MYCBP2: variants seen among roughly 807,000 people sequenced by gnomAD.
The protein encoded by MYCBP2 is MYC binding protein 2, also known as E3 ubiquitin-protein ligase MYCBP2.
In MYCBP2, 120 loss-of-function variants were observed where a neutral mutation model predicts 525.3. The observed-to-expected ratio is 0.23, with a 90% CI of 0.20 to 0.27. The LOEUF is 0.27. Among genes scored for constraint, MYCBP2 ranks in the 10% least tolerant of loss-of-function variants. The pLI is 1.00. For missense variants in MYCBP2, 4,149 were observed against 5,657.1 expected, an observed-to-expected ratio of 0.73 and a Z score of 8.55; for synonymous variants, 1,894 against 1,955.8, an observed-to-expected ratio of 0.97 and a Z score of 0.83.
intron 68 of MYCBP2, among the ~76,000 whole-genome samples, chr13:77,073,982 G>C (rs980521087): frequency 1.4e-5 from 2 of 146,100 alleles, no homozygotes; most frequent in Non-Finnish European, 3.0e-5. Context: ...GTTAATTCCA[G>C]TCAAAATTCC....
chr13:77,052,948 G>T (rs944280559), intron 80 of MYCBP2, among the ~76,000 whole-genome samples: 25 of 152,034 alleles, frequency 1.6e-4, no homozygotes, highest in Non-Finnish European at 3.7e-4. Flanking sequence ...GGGCAACATG[G>T]CAAAACCCAT....
intron 17 of MYCBP2, among the ~76,000 whole-genome samples, chr13:77,237,845 T>G (rs139330477): frequency 3.9e-5 from 6 of 152,316 alleles, no homozygotes; most frequent in African/African-American, 1.4e-4. Context: ...CTTCATATAA[T>G]ACTTTAATTT....
chr13:77,241,714 A>C lies in MYCBP2; in HGVS notation c.2629+1345T>G, dbSNP rs192632536. 1.7e-3 allele frequency among the ~76,000 whole-genome samples: 260 copies of C among 152,266 alleles called. 2 individuals carry two copies. The highest frequency in any genetic ancestry group is 6.0e-3 in the African/African-American group (250 of 41,582). On this transcript the variant is annotated intron_variant, in intron 17 of 82. Coordinates refer to ENST00000544440, the MANE Select transcript of MYCBP2 (RefSeq NM_015057.5). ...AATATTCACCTTATCAATCAACATC[A>C]CTTATCAGATGCTATGAAGAACACT... is the stretch of plus-strand genomic sequence containing the variant.
chr13:77,063,372 A>C (rs910128784), intron 73 of MYCBP2, among the ~76,000 whole-genome samples: 9 of 152,254 alleles, frequency 5.9e-5, no homozygotes, highest in Middle Eastern at 3.4e-3. Flanking sequence ...AGCCTGACTA[A>C]CATGGTGAAA....
intron 15 of MYCBP2, among the ~76,000 whole-genome samples, chr13:77,249,133 T>C (rs373492358): frequency 3.2e-4 from 48 of 152,330 alleles, no homozygotes; most frequent in East Asian, 2.7e-3. Context: ...TGAGGAGTCA[T>C]TGTTTAACAG....
chr13:77,185,457 C>T, intron 31 of MYCBP2, 80 bp from the exon 32 acceptor site: 1 of 1,376,436 alleles, frequency 7.3e-7, no homozygotes. Flanking sequence ...TTCAGTAATT[C>T]CCTATACAGC....
chr13:77,123,142 C>G (rs552309730), intron 54 of MYCBP2, among the ~76,000 whole-genome samples: 1 of 152,206 alleles, frequency 6.6e-6, no homozygotes, highest in Non-Finnish European at 1.5e-5. Flanking sequence ...AATCTTTGTA[C>G]TTCCATATTA....
intron 23 of MYCBP2, 125 bp downstream of exon 23, chr13:77,211,042 G>T: frequency 1.6e-6 from 1 of 624,132 alleles, no homozygotes; most frequent in Non-Finnish European, 2.4e-6. Context: ...AGACAGAATT[G>T]CAGTTATTAG....
At chr13:77,246,719 T>C (rs925234171) in intron 15 of MYCBP2, among the ~76,000 whole-genome samples, 4 of 149,990 alleles carry the variant, frequency 2.7e-5, no homozygotes, top group Non-Finnish European at 4.4e-5. Context: ...AATAATGATG[T>C]GAAAATCCTC....
intron 14 of MYCBP2, among the ~76,000 whole-genome samples, chr13:77,254,136 G>A (rs12184883): frequency 0.04 from 6,081 of 151,830 alleles, 422 homozygotes; most frequent in African/African-American, 0.14. Context: ...GTAGAAAAAT[G>A]TAAATAACAG....
chr13:77,097,320 G>C, intron 56 of MYCBP2, 50 bp downstream of exon 56: 1 of 1,534,676 alleles, frequency 6.5e-7, no homozygotes, highest in Non-Finnish European at 8.7e-7. Flanking sequence ...AAGTGATCTG[G>C]TTCATTAAAG....
At chr13:77,249,682 A>G (rs2070773147) in intron 15 of MYCBP2, among the ~76,000 whole-genome samples, 1 of 152,156 alleles carries the variant, frequency 6.6e-6, no homozygotes, top group Admixed American at 6.5e-5. Flanking sequence ...GACATGGGCC[A>G]CTACACCCAG....
At chr13:77,093,373 A>C (rs963794996) in intron 58 of MYCBP2, 41 bp from the exon 59 acceptor site, 1 of 1,555,048 alleles carries the variant, frequency 6.4e-7, no homozygotes, top group Non-Finnish European at 8.8e-7. Flanking sequence ...CATGATGGCA[A>C]TACAGATCCT....
At chr13:77,304,181 T>C (rs887530932) in intron 1 of MYCBP2, among the ~76,000 whole-genome samples, 1 of 152,202 alleles carries the variant, frequency 6.6e-6, no homozygotes. Context: ...AACTCCCATG[T>C]TCACTGCTAC....
intron 55 of MYCBP2, chr13:77,109,818 A>G (rs951736528): frequency 1.3e-5 from 2 of 152,208 alleles, no homozygotes; most frequent in Non-Finnish European, 2.9e-5. Context: ...TAATACTTTT[A>G]TAATTTCTTA....
At position 77,166,472 on chromosome 13, in the gene MYCBP2, C is replaced by T. The variant is rs754861311; in HGVS notation, c.6197G>A (p.Arg2066His). The change falls in exon 41 of 83, where the codon CGT becomes CAT. Residue 2066 changes from arginine (R) to histidine (H), a missense_variant. Around this residue, in one of 21 missense-constraint regions of MYCBP2, gnomAD observed 692 missense variants for 852.7 expected, o/e 0.81. Transcript: ENST00000544440. ...AACAGTTCTGACAGGAATCAACAAACGAAGGACATCTTCTGACTGTGCAGT... is the reference window on the plus strand; with the variant it reads ...AACAGTTCTGACAGGAATCAACAAATGAAGGACATCTTCTGACTGTGCAGT... ...CGTAQSEDVL[R>H]LLIPVRTVQN... The T allele has an allele frequency of 2.0e-5, 33 of 1,613,932 alleles. No homozygotes were observed. Among genetic ancestry groups the T allele is most frequent in the Non-Finnish European group, 2.5e-5 (30 of 1,179,886 alleles).
chr13:77,272,990 T>C (rs1025185385), intron 5 of MYCBP2, among the ~76,000 whole-genome samples: 1 of 152,188 alleles, frequency 6.6e-6, no homozygotes, highest in Non-Finnish European at 1.5e-5. Context: ...CAACTGAATA[T>C]TAAAAGCCTA....
At chr13:77,251,003 T>A in intron 15 of MYCBP2, 148 bp downstream of exon 15, 1 of 550,384 alleles carries the variant, frequency 1.8e-6, no homozygotes, top group South Asian at 3.0e-5. Flanking sequence ...ATAAGAATTA[T>A]AATACTTTCT....
At position 77,044,688 on chromosome 13, in the gene MYCBP2, G is replaced by A; in HGVS notation, c.*690C>T. 2.5e-6 allele frequency: 1 copy of A among 398,548 alleles called. No individual in the cohort carries two copies. Among genetic ancestry groups the A allele is most frequent in the East Asian group, 3.6e-5 (1 of 27,964 alleles). 24.7% of individuals were successfully genotyped at this position (398,548 alleles called of 1,614,324 possible). On this transcript the variant is annotated 3_prime_UTR_variant, in exon 83 of 83. Transcript: ENST00000544440. ...TTATCACTGTATAAAAATGTACAGT[G>A]GTTTTATTGACATGTACATTCCAAT...
Sources: gnomAD v4.1 joint callset for allele counts (sites outside exome capture counted in the v4.1 genomes callset) on GRCh38, gnomAD v4.1.1 for gene constraint, gnomAD v4.1.1 regional missense constraint, MANE v1.5 for transcripts, NCBI Gene and HGNC (gene_info 2026-07-23, HGNC 2026-07-21) for gene names.